The following UGT1A5 variants were observed in gnomAD, a reference collection of about 807,000 sequenced individuals.
UGT1A5 encodes UDP-glucuronosyltransferase 1A5.
A neutral mutation model predicts 40.3 loss-of-function variants in UGT1A5; 29 were observed. The ratio of observed to expected loss-of-function variants is 0.72; its 90% CI spans 0.54 to 0.98. UGT1A5 has a LOEUF of 0.98. UGT1A5 is among the 50% of genes least tolerant of loss of function. UGT1A5 has a pLI of 0.00. For synonymous variants in UGT1A5, 257 were observed against 262.5 expected (o/e 0.98, Z 0.20); for missense variants, 678 against 677.9 (o/e 1.00, Z 0.00).
chr2:233,757,353 G>C (rs373045458), intron 1 of UGT1A5, among the ~76,000 whole-genome samples: 1 of 151,254 alleles, frequency 6.6e-6, no homozygotes, highest in African/African-American at 2.4e-5. Flanking sequence ...GGGTCTGAGA[G>C]ACAGTGGTAG....
chr2:233,768,874 G>A (rs1264130017), intron 4 of UGT1A5, among the ~76,000 whole-genome samples: 1 of 151,996 alleles, frequency 6.6e-6, no homozygotes, highest in East Asian at 1.9e-4. Flanking sequence ...ATGAGCCAGC[G>A]CGTCTGACCT....
At chr2:233,751,929 T>C (rs1393855329) in intron 1 of UGT1A5, among the ~76,000 whole-genome samples, 1 of 152,160 alleles carries the variant, frequency 6.6e-6, no homozygotes, top group South Asian at 2.1e-4. Flanking sequence ...TTGGTGGTGA[T>C]TGAAGTTATA....
At chr2:233,722,169 C>T (rs923427551) in intron 1 of UGT1A5, 1 of 158,144 alleles carries the variant, frequency 6.3e-6, no homozygotes, top group Admixed American at 6.4e-5. Flanking sequence ...CACCTGGAGA[C>T]CTTTGCCATG....
chr2:233,755,203 AC>A (rs1695811923), intron 1 of UGT1A5: 1 of 1,097,556 alleles, frequency 9.1e-7, no homozygotes, highest in East Asian at 4.8e-5. Flanking sequence ...AGCTTGCGGT[AC>A]GCCTTCTTGA....
chr2:233,771,951 C>G (rs1331596370), intron 4 of UGT1A5, among the ~76,000 whole-genome samples: 6 of 152,070 alleles, frequency 3.9e-5, no homozygotes, highest in Admixed American at 2.0e-4. Context: ...CTTGTTTCTA[C>G]AAAAAATTTA....
At chr2:233,731,160 C>T (rs1477166439) in intron 1 of UGT1A5, among the ~76,000 whole-genome samples, 4 of 151,954 alleles carry the variant, frequency 2.6e-5, no homozygotes, top group South Asian at 2.1e-4. Flanking sequence ...TTTGATCAAA[C>T]GACATGATTT....
chr2:233,770,479 C>T (rs545055885), intron 4 of UGT1A5: 1 of 152,002 alleles, frequency 6.6e-6, no homozygotes, highest in Admixed American at 6.5e-5. Flanking sequence ...CATGAAGAAA[C>T]CTTATCTCTA....
chr2:233,747,917 C>T, intron 1 of UGT1A5: 6 of 1,613,510 alleles, frequency 3.7e-6, no homozygotes, highest in Non-Finnish European at 5.1e-6. Flanking sequence ...CAAGCCTTGC[C>T]TCTGAGCTTT....
chr2:233,762,543 G>A (rs1248994186), intron 1 of UGT1A5, among the ~76,000 whole-genome samples: 10 of 152,184 alleles, frequency 6.6e-5, no homozygotes, highest in Admixed American at 6.5e-4. Flanking sequence ...GTACCACAGT[G>A]TATTCTGCTG....
rs45619032 is a variant in UGT1A5, at chr2:233,765,042, C to T, written c.868-1992C>T. ...GGCAGGAGTCCTGCTGTGCAAATTG[C>T]GTTTGCTGAGCCCTGTCAGAGGTCT... On this transcript the variant is annotated intron_variant, in intron 1 of 4. Transcript: ENST00000373414. 6.1e-3 allele frequency among the ~76,000 whole-genome samples: 921 copies of T among 152,078 alleles called. 13 individuals carry two copies. Among genetic ancestry groups the T allele is most frequent in the African/African-American group, 0.021 (865 of 41,462 alleles).
chr2:233,772,112 C>A, intron 4 of UGT1A5, 150 bp from the exon 5 acceptor site: 1 of 1,527,992 alleles, frequency 6.5e-7, no homozygotes, highest in South Asian at 1.2e-5. Context: ...GACTCTGTAT[C>A]TAAAAACAAC....
At chr2:233,757,996 G>A (rs1283053309) in intron 1 of UGT1A5, among the ~76,000 whole-genome samples, 1 of 152,032 alleles carries the variant, frequency 6.6e-6, no homozygotes, top group East Asian at 1.9e-4. Flanking sequence ...CCCTGTAATT[G>A]CCTGGTCATG....
At chr2:233,755,104 A>G in intron 1 of UGT1A5, 1 of 1,334,996 alleles carries the variant, frequency 7.5e-7, no homozygotes, top group African/African-American at 1.5e-5. Flanking sequence ...GCGTCCGACA[A>G]CACCTCGTAG....
intron 1 of UGT1A5, among the ~76,000 whole-genome samples, chr2:233,730,727 G>T (rs768160238): frequency 6.6e-6 from 1 of 152,112 alleles, no homozygotes; most frequent in African/African-American, 2.4e-5. Context: ...ATCAAGAAAT[G>T]GCGGAAGGGG....
chr2:233,759,175 A>G (rs970817812), intron 1 of UGT1A5, among the ~76,000 whole-genome samples: 3 of 152,178 alleles, frequency 2.0e-5, no homozygotes, highest in African/African-American at 7.2e-5. Context: ...GGCAGGTTTC[A>G]CGGCAAAAAG....
At chr2:233,746,832 T>C (rs1693484231) in intron 1 of UGT1A5, among the ~76,000 whole-genome samples, 1 of 151,782 alleles carries the variant, frequency 6.6e-6, no homozygotes, top group Admixed American at 6.5e-5. Context: ...CCTACCACTG[T>C]TGGGGACCTC....
chr2:233,768,643 G>T (rs1699688311), intron 4 of UGT1A5, among the ~76,000 whole-genome samples: 1 of 136,596 alleles, frequency 7.3e-6, no homozygotes. Context: ...CTGGAGTGCA[G>T]TGGTGCAATC....
rs760844779 is a variant in UGT1A5 at position 233,772,567 on chromosome 2, G to A, written c.*8G>A. On this transcript the variant is annotated 3_prime_UTR_variant, in exon 5 of 5. Transcript: ENST00000373414. ...AAATCCAAGACCCATTGAGAAGTGG[G>A]TGGGAAATAAGGTAAAATTTTGAAC... 6.2e-7 allele frequency: 1 copy of A among 1,612,906 alleles called. No individual in the cohort carries two copies.
At chr2:233,748,101 C>T in intron 1 of UGT1A5, 2 of 1,612,622 alleles carry the variant, frequency 1.2e-6, no homozygotes, top group Non-Finnish European at 1.7e-6. Flanking sequence ...TGCCTTCATC[C>T]AATCAATGTT....
Sources: allele counts gnomAD v4.1 joint callset (sites outside exome capture counted in the v4.1 genomes callset), GRCh38; gene constraint gnomAD v4.1.1; transcripts MANE v1.5; gene names NCBI Gene and HGNC (gene_info 2026-07-23, HGNC 2026-07-21).